The following KLF12 variants were observed in gnomAD, a reference collection of about 807,000 sequenced individuals.
KLF12 encodes KLF transcription factor 12.
KLF12 carries 9 observed loss-of-function variants against 37.8 expected under a neutral mutation model. The observed-to-expected ratio is 0.24, with a 90% CI of 0.14 to 0.42. KLF12 has a LOEUF of 0.42. KLF12 is among the 10% of genes least tolerant of loss of function. The pLI is 1.00. For missense variants in KLF12, 411 were observed against 516.0 expected (o/e 0.80, Z 1.97); for synonymous variants, 208 against 202.1 (o/e 1.03, Z -0.25).
At chr13:73,762,580 T>G (rs1879637730) in intron 6 of KLF12, among the ~76,000 whole-genome samples, 1 of 152,144 alleles carries the variant, frequency 6.6e-6, no homozygotes, top group African/African-American at 2.4e-5. Flanking sequence ...CTAAGCTACC[T>G]TCACAAAAAT....
At chr13:74,248,405 T>C in the KLF12 span, among the ~76,000 whole-genome samples, 2 of 152,238 alleles carry the variant, frequency 1.3e-5, no homozygotes, top group Non-Finnish European at 2.9e-5. Context: ...GATTTCTCTG[T>C]TGTTTGGCAA....
At chr13:74,185,014 T>C in the KLF12 span, among the ~76,000 whole-genome samples, 1 of 152,184 alleles carries the variant, frequency 6.6e-6, no homozygotes, top group Non-Finnish European at 1.5e-5. Context: ...AAATTATGCA[T>C]TAAGTGCCTC....
intron 3 of KLF12, among the ~76,000 whole-genome samples, chr13:73,906,314 C>T (rs565252550): frequency 1.3e-5 from 2 of 152,064 alleles, no homozygotes; most frequent in African/African-American, 2.4e-5. Context: ...ATTGACTCTC[C>T]TTTTTCTCCT....
chr13:74,174,112 G>T, the KLF12 span, among the ~76,000 whole-genome samples: 1 of 152,032 alleles, frequency 6.6e-6, no homozygotes, highest in Non-Finnish European at 1.5e-5. Flanking sequence ...AATGACCTCT[G>T]CCCTGAGTCA....
chr13:74,270,339 C>G, the KLF12 span, among the ~76,000 whole-genome samples: 1,048 of 152,264 alleles, frequency 6.9e-3, 14 homozygotes, highest in African/African-American at 0.024. Flanking sequence ...GATATGGTAT[C>G]AGGCCAACCT....
At chr13:74,067,116 C>CT (rs1385937568) in intron 1 of KLF12, among the ~76,000 whole-genome samples, 1 of 152,086 alleles carries the variant, frequency 6.6e-6, no homozygotes, top group Non-Finnish European at 1.5e-5. Flanking sequence ...CAAGTACAAA[C>CT]TAATAATCAG....
chr13:73,857,099 A>G (rs1368894501), intron 3 of KLF12, among the ~76,000 whole-genome samples: 2 of 152,212 alleles, frequency 1.3e-5, no homozygotes, highest in African/African-American at 2.4e-5. Context: ...CATGATTCCC[A>G]TGGAATGATC....
intron 6 of KLF12, among the ~76,000 whole-genome samples, chr13:73,760,910 G>T (rs1879508304): frequency 6.6e-6 from 1 of 152,138 alleles, no homozygotes; most frequent in Non-Finnish European, 1.5e-5. Context: ...TATGAACATG[G>T]ATTCTGGAAA....
chr13:73,828,665 A>G (rs955955059), intron 4 of KLF12, among the ~76,000 whole-genome samples: 2 of 152,136 alleles, frequency 1.3e-5, no homozygotes, highest in Non-Finnish European at 2.9e-5. Context: ...CCAAAACTTT[A>G]ATGTTACCAT....
rs552312458 is a variant in KLF12 at position 73,994,221 on chromosome 13, T to C, written c.33+769A>G. On this transcript the variant is annotated intron_variant, in intron 2 of 7. Coordinates refer to ENST00000377669, the MANE Select transcript of KLF12 (RefSeq NM_007249.5). ...ATTGATTTGGAAGCAGCAAGAGTAATATGGGAAGGAAAATATGAAATTGTA... is the reference window on the plus strand; with the variant it reads ...ATTGATTTGGAAGCAGCAAGAGTAACATGGGAAGGAAAATATGAAATTGTA... Among the ~76,000 whole-genome samples, 3 of 152,198 alleles carry C rather than the reference T, an allele frequency of 2.0e-5. No homozygotes were observed. The South Asian group carries it at 6.2e-4, about 32-fold the overall frequency.
chr13:73,819,284 T>C (rs74095765), intron 4 of KLF12, among the ~76,000 whole-genome samples: 23 of 152,320 alleles, frequency 1.5e-4, no homozygotes, highest in African/African-American at 5.3e-4. Flanking sequence ...GCAAAGCACT[T>C]AGTCCTGGCC....
At chr13:73,799,758 T>C (rs1320459631) in intron 5 of KLF12, among the ~76,000 whole-genome samples, 2 of 152,164 alleles carry the variant, frequency 1.3e-5, no homozygotes, top group African/African-American at 2.4e-5. Context: ...AAAGTGTCTC[T>C]TACTGTGCAA....
intron 1 of KLF12, among the ~76,000 whole-genome samples, chr13:74,082,580 G>A (rs1454490917): frequency 6.6e-6 from 1 of 151,836 alleles, no homozygotes. Flanking sequence ...ACTGTGTGCT[G>A]ACTTAAACAT....
intron 3 of KLF12, among the ~76,000 whole-genome samples, chr13:73,943,675 T>C (rs1890292316): frequency 6.6e-6 from 1 of 152,228 alleles, no homozygotes; most frequent in South Asian, 2.1e-4. Flanking sequence ...TTTTTAATAC[T>C]TCCTCTTTGC....
intron 6 of KLF12, among the ~76,000 whole-genome samples, chr13:73,735,128 TAAAAAA>T (rs34423201): frequency 1.1e-5 from 1 of 93,630 alleles, no homozygotes; most frequent in African/African-American, 3.9e-5. Flanking sequence ...CCTCTACTAT[TAAAAAA>T]AAAAAAAAAA....
At chr13:73,807,045 A>C (rs1346368262) in intron 5 of KLF12, among the ~76,000 whole-genome samples, 1 of 152,136 alleles carries the variant, frequency 6.6e-6, no homozygotes. Flanking sequence ...GGTGGCTCAC[A>C]CCTGTAAATC....
chr13:73,984,360 C>G (rs1328726711), intron 2 of KLF12, among the ~76,000 whole-genome samples: 2 of 152,220 alleles, frequency 1.3e-5, no homozygotes, highest in Non-Finnish European at 2.9e-5. Context: ...CTCGCTGGCA[C>G]AGGGAAGCGG....
chr13:73,702,779 A>G (rs1874656534), intron 7 of KLF12, among the ~76,000 whole-genome samples: 1 of 152,174 alleles, frequency 6.6e-6, no homozygotes, highest in Non-Finnish European at 1.5e-5. Context: ...TTTGCATATG[A>G]GGAAAAAAAC....
intron 3 of KLF12, among the ~76,000 whole-genome samples, chr13:73,852,609 T>C (rs1885388354): frequency 6.6e-6 from 1 of 151,852 alleles, no homozygotes; most frequent in African/African-American, 2.4e-5. Flanking sequence ...AAACCCAGTC[T>C]CTACTAAAAA....
Sources: allele counts gnomAD v4.1 joint callset (sites outside exome capture counted in the v4.1 genomes callset), GRCh38; gene constraint gnomAD v4.1.1; transcripts MANE v1.5; gene names NCBI Gene and HGNC (gene_info 2026-07-23, HGNC 2026-07-21).